Variants in PRMT8 observed in about 807,000 individuals in gnomAD.
PRMT8 encodes protein arginine methyltransferase 8.
PRMT8 carries 7 observed loss-of-function variants against 47.1 expected under a neutral mutation model. The ratio of observed to expected loss-of-function variants is 0.15; its 90% CI spans 0.08 to 0.28. The LOEUF is 0.28. PRMT8 is among the 10% of genes least tolerant of loss of function. The pLI is 1.00. For missense variants in PRMT8, 237 were observed against 505.4 expected, an observed-to-expected ratio of 0.47 and a Z score of 5.09; for synonymous variants, 188 against 186.5, an observed-to-expected ratio of 1.01 and a Z score of -0.07.
chr12:3,549,793 A>G, intron 2 of PRMT8, 143 bp from the exon 3 acceptor site: 2 of 843,602 alleles, frequency 2.4e-6, no homozygotes, highest in Non-Finnish European at 3.7e-6. Context: ...CAGCTACCCC[A>G]GTTTTGTCCT....
chr12:3,443,726 G>C (rs1487148917), intron 1 of PRMT8, among the ~76,000 whole-genome samples: 1 of 152,184 alleles, frequency 6.6e-6, no homozygotes, highest in Admixed American at 6.5e-5. Flanking sequence ...TTGTCAATCA[G>C]ATTTGCAATG....
chr12:3,448,708 T>A (rs1864884670), intron 1 of PRMT8, among the ~76,000 whole-genome samples: 1 of 152,224 alleles, frequency 6.6e-6, no homozygotes, highest in African/African-American at 2.4e-5. Flanking sequence ...ACCGTTTTTT[T>A]ATTTTGCAAA....
chr12:3,391,578 C>T (rs1289475235), intron 1 of PRMT8, among the ~76,000 whole-genome samples: 4 of 152,188 alleles, frequency 2.6e-5, no homozygotes, highest in Non-Finnish European at 5.9e-5. Context: ...TAGGTAATAG[C>T]TGTAAACTTG....
chr12:3,525,245 T>A (rs562753826), intron 1 of PRMT8, among the ~76,000 whole-genome samples: 4 of 151,724 alleles, frequency 2.6e-5, no homozygotes, highest in Non-Finnish European at 5.9e-5. Flanking sequence ...ACTATTCAAA[T>A]ATAAGGGAAA....
chr12:3,496,214 A>ATATATTT, intron 1 of PRMT8, among the ~76,000 whole-genome samples: 6 of 27,774 alleles, frequency 2.2e-4, no homozygotes, highest in Non-Finnish European at 4.7e-4. Context: ...ATATATATAT[A>ATATATTT]TTTTTTTTTT....
At position 3,576,851 on chromosome 12, in the gene PRMT8, G is replaced by T. The variant is rs753973982; in HGVS notation, c.713-20G>T. 4 of 1,607,964 alleles carry T rather than the reference G, an allele frequency of 2.5e-6. No homozygotes were observed. The highest frequency in any genetic ancestry group is 2.2e-5 in the South Asian group (2 of 90,814). On this transcript the variant is annotated intron_variant, in intron 6 of 9. Coordinates refer to ENST00000382622, the MANE Select transcript of PRMT8 (RefSeq NM_019854.5). The surrounding 1 kb of genome is among the most constrained non-coding windows in gnomAD (Gnocchi z 4.0). The stretch of plus-strand genomic sequence containing the variant: ...CTGGGGGTCCTGCGCCTGCCTTCAC[G>T]TCTTGCTCTGCTCCCACAGGGTGGG...
chr12:3,490,675 A>AGAGAGAGAGAGAGAGAGAG (rs1865374699), upstream of PRMT8, among the ~76,000 whole-genome samples: 2 of 121,084 alleles, frequency 1.7e-5, no homozygotes. Flanking sequence ...TTTGGGTACA[A>AGAGAGAGAGAGAGAGAGAG]AGAGAGAGAG....
Position 3,436,517 on chromosome 12 carries a change from G to A in PRMT8, c.48+55075G>A, listed in dbSNP as rs930237178. On this transcript the variant is annotated intron_variant, in intron 1 of 9. Transcript: ENST00000452611. This position sits in a 1 kb window ranked among gnomAD's most constrained non-coding sequence, Gnocchi z 4.2. ...TTTTTTATGAGCTGCTATTGTCAGC[G>A]TGCAGAAGATCTCTATTAATAGAGT... Among the ~76,000 whole-genome samples the A allele has an allele frequency of 3.3e-5, 5 of 151,834 alleles. No individual in the cohort carries two copies. The highest frequency in any genetic ancestry group is 7.3e-5 in the African/African-American group (3 of 41,300).
chr12:3,555,862 G>GGT (rs1565440486), intron 4 of PRMT8, among the ~76,000 whole-genome samples: 5 of 105,182 alleles, frequency 4.8e-5, no homozygotes, highest in Non-Finnish European at 6.5e-5. Flanking sequence ...CTGGGTGGAT[G>GGT]GGACCTGAGG....
chr12:3,508,749 A>G lies in PRMT8; in HGVS notation c.75+17049A>G, dbSNP rs1056397290. The stretch of plus-strand genomic sequence containing the variant: ...CTGCAGCCCACATCTCTCCTCTGAG[A>G]TACGCGAGGCATAGCTGCCTGCCTG... On this transcript the variant is annotated intron_variant, in intron 1 of 9. Coordinates refer to ENST00000382622, the MANE Select transcript of PRMT8 (RefSeq NM_019854.5). The surrounding 1 kb of genome is among the most constrained non-coding windows in gnomAD (Gnocchi z 4.9). Among the ~76,000 whole-genome samples, 2 of 152,102 alleles carry G rather than the reference A, an allele frequency of 1.3e-5. No homozygotes were observed. Among genetic ancestry groups the G allele is most frequent in the African/African-American group, 2.4e-5 (1 of 41,396 alleles).
intron 1 of PRMT8, among the ~76,000 whole-genome samples, chr12:3,537,127 C>T (rs1470776424): frequency 2.6e-5 from 4 of 152,230 alleles, no homozygotes; most frequent in Non-Finnish European, 5.9e-5. Flanking sequence ...TTCATTCCCA[C>T]TAGAAATGTG....
intron 1 of PRMT8, among the ~76,000 whole-genome samples, chr12:3,531,425 C>A (rs550935089): frequency 6.6e-6 from 1 of 152,126 alleles, no homozygotes; most frequent in Non-Finnish European, 1.5e-5. Flanking sequence ...ATATAAGAAG[C>A]GAATTTAATA....
At chr12:3,506,948 G>A (rs1189218892) in intron 1 of PRMT8, among the ~76,000 whole-genome samples, 1 of 152,054 alleles carries the variant, frequency 6.6e-6, no homozygotes, top group South Asian at 2.1e-4. Context: ...CCGTCTTCTT[G>A]GCGCTAAATC....
chr12:3,496,214 A>ATATATATATATATATATTTTTTTTT, intron 1 of PRMT8, among the ~76,000 whole-genome samples: 2 of 27,776 alleles, frequency 7.2e-5, no homozygotes, highest in African/African-American at 8.8e-5. Context: ...ATATATATAT[A>ATATATATATATATATATTTTTTTTT]TTTTTTTTTT....
intron 1 of PRMT8, among the ~76,000 whole-genome samples, chr12:3,441,079 A>G (rs1388490521): frequency 2.0e-5 from 3 of 152,210 alleles, no homozygotes; most frequent in South Asian, 4.1e-4. Context: ...AGTTTGATAT[A>G]TGGGATATTT....
intron 1 of PRMT8, among the ~76,000 whole-genome samples, chr12:3,433,869 G>T (rs566530657): frequency 2.7e-4 from 41 of 152,326 alleles, no homozygotes; most frequent in Middle Eastern, 6.8e-3. Context: ...CTCCCGAAGT[G>T]CTGGGATTAC....
At chr12:3,504,186 CCTT>C (rs1865573706) in intron 1 of PRMT8, among the ~76,000 whole-genome samples, 1 of 24,264 alleles carries the variant, frequency 4.1e-5, no homozygotes, top group Non-Finnish European at 1.6e-4. Flanking sequence ...TCGTCTGAAG[CCTT>C]CTTCTCTCAG....
chr12:3,465,319 T>C (rs959717175), intron 1 of PRMT8, among the ~76,000 whole-genome samples: 6 of 146,890 alleles, frequency 4.1e-5, no homozygotes, highest in Admixed American at 6.9e-5. Context: ...TATATATACA[T>C]TAAATAAAAA....
intron 7 of PRMT8, among the ~76,000 whole-genome samples, chr12:3,581,007 T>C (rs1419208829): frequency 6.6e-6 from 1 of 152,128 alleles, no homozygotes; most frequent in African/African-American, 2.4e-5. Flanking sequence ...CGCTAACAGA[T>C]GACATGTAAT....
Sources: allele counts gnomAD v4.1 joint callset (sites outside exome capture counted in the v4.1 genomes callset), GRCh38; gene constraint gnomAD v4.1.1; non-coding constraint Gnocchi (gnomAD v3.1); transcripts MANE v1.5; gene names NCBI Gene and HGNC (gene_info 2026-07-23, HGNC 2026-07-21).